Variants in ALPK3 observed in about 807,000 individuals in gnomAD.
ALPK3 encodes alpha-protein kinase 3.
Under a neutral mutation model 140.0 loss-of-function variants are expected in ALPK3, and 102 were observed. The ratio of observed to expected loss-of-function variants is 0.73; its 90% CI spans 0.62 to 0.86. The LOEUF is 0.86. ALPK3 is among the 40% of genes least tolerant of loss of function. The pLI is 0.00. For synonymous variants in ALPK3, 938 were observed against 898.5 expected, an observed-to-expected ratio of 1.04 and a Z score of -0.79; for missense variants, 2,254 against 2,208.2, an observed-to-expected ratio of 1.02 and a Z score of -0.42.
Position 84,840,297 on chromosome 15 carries a change from C to G in ALPK3, c.1018C>G (p.Arg340Gly). 1.9e-6 allele frequency: 3 copies of G among 1,614,022 alleles called. No individual in the cohort carries two copies. Among genetic ancestry groups the G allele is most frequent in the Non-Finnish European group, 2.5e-6 (3 of 1,180,040 alleles). The change falls in exon 5 of 14, where the codon CGT becomes GGT. Residue 340 changes from arginine (R) to glycine (G), a missense_variant. Coordinates refer to ENST00000258888, the MANE Select transcript of ALPK3 (RefSeq NM_020778.5). The stretch of plus-strand genomic sequence containing the variant: ...GTTAGAGAAGGCAGCCCAAAGCCGC[C>G]GTTCTTCAGAAAACTGCATCCCCAG... Reference protein sequence around the residue: ...PELEKAAQSRRSSENCIPSSD... With the variant: ...PELEKAAQSRGSSENCIPSSD...
In ALPK3 at chr15:84,870,042, C is replaced by T. The variant is rs1395873042; in HGVS notation, c.*1586C>T. Reference sequence around the variant, plus strand: ...AAGGAAGCCACCCAGGAAGGAAGCACAGAGCTGGGGGCTCTGGAAACGCCC... The same window carrying T: ...AAGGAAGCCACCCAGGAAGGAAGCATAGAGCTGGGGGCTCTGGAAACGCCC... On this transcript the variant is annotated 3_prime_UTR_variant, in exon 14 of 14. Transcript: ENST00000258888. 1 of 152,330 alleles carries T rather than the reference C, an allele frequency of 6.6e-6. No homozygotes were observed. Among genetic ancestry groups the T allele is most frequent in the East Asian group, 1.9e-4 (1 of 5,178 alleles). The allele number at this position is 152,330 out of a possible 1,614,324, so 9.4% of individuals were successfully genotyped here.
intron 3 of ALPK3, among the ~76,000 whole-genome samples, chr15:84,829,480 G>A (rs1963522632): frequency 6.6e-6 from 1 of 152,222 alleles, no homozygotes; most frequent in African/African-American, 2.4e-5. Context: ...GATTCAGCAT[G>A]GGCTTCTCGT....
At chr15:84,851,261 T>A (rs142081484) in intron 5 of ALPK3, among the ~76,000 whole-genome samples, 1 of 151,990 alleles carries the variant, frequency 6.6e-6, no homozygotes, top group African/African-American at 2.4e-5. Flanking sequence ...GAATGTCTGG[T>A]ACAGAAAAAA....
At chr15:84,867,447 C>T in intron 13 of ALPK3, 82 bp downstream of exon 13, 1 of 1,540,782 alleles carries the variant, frequency 6.5e-7, no homozygotes, top group Non-Finnish European at 9.0e-7. Flanking sequence ...GTTCTCCATC[C>T]CTGAGGTGCT....
chr15:84,827,352 T>C, intron 2 of ALPK3, 132 bp from the exon 3 acceptor site: 1 of 1,334,370 alleles, frequency 7.5e-7, no homozygotes, highest in East Asian at 2.3e-5. Flanking sequence ...GAAGAAAGAC[T>C]TGCCGGGGTG....
Position 84,863,596 on chromosome 15 carries a change from C to A in ALPK3, c.4455C>A (p.Phe1485Leu). 1 of 1,614,070 alleles carries A rather than the reference C, an allele frequency of 6.2e-7. No individual in the cohort carries two copies. The highest frequency in any genetic ancestry group is 8.5e-7 in the Non-Finnish European group (1 of 1,179,982). Residue 1485 changes from phenylalanine to leucine, a missense_variant, in exon 11 of 14, where the codon TTC (phenylalanine) becomes TTA (leucine). Transcript: ENST00000258888. Reference sequence around the variant, plus strand: ...TGAGTCGGGAGTACTGCAAAATCTTCGCAGCAGAAGCCCGGGCCGCGCCTG... The same window carrying A: ...TGAGTCGGGAGTACTGCAAAATCTTAGCAGCAGAAGCCCGGGCCGCGCCTG... Reference protein sequence around the residue: ...QNMSREYCKIFAAEARAAPGF... With the variant: ...QNMSREYCKILAAEARAAPGF...
At chr15:84,853,062 G>A (rs1413446793) in intron 5 of ALPK3, among the ~76,000 whole-genome samples, 1 of 152,218 alleles carries the variant, frequency 6.6e-6, no homozygotes, top group Admixed American at 6.5e-5. Flanking sequence ...CTGAGAGTGC[G>A]TTAGGAGTGA....
Position 84,839,916 on chromosome 15 carries a change from C to T in ALPK3, c.637C>T (p.Leu213=), listed in dbSNP as rs769309969. The T allele has an allele frequency of 1.2e-6, 2 of 1,613,846 alleles. No homozygotes were observed. Among genetic ancestry groups the T allele is most frequent in the African/African-American group, 1.3e-5 (1 of 74,936 alleles). ...GGCGGTGCCTGGGGAGGTCGACACT[C>T]TGCGCAAGCTCAGCCCCGACCGCTT... The part of the protein sequence containing the change: ...EKAVPGEVDT[L]RKLSPDRFQR... Residue 213 remains leucine (L), a synonymous_variant, in exon 5 of 14, where the codon CTG becomes TTG. Transcript: ENST00000258888.
intron 5 of ALPK3, among the ~76,000 whole-genome samples, chr15:84,849,648 A>T (rs1364104837): frequency 6.6e-6 from 1 of 152,216 alleles, no homozygotes; most frequent in African/African-American, 2.4e-5. Flanking sequence ...ATTAAAGAAC[A>T]TACTTTTATG....
At position 84,820,960 on chromosome 15, in the gene ALPK3, T is replaced by C. The variant is rs147212571; in HGVS notation, c.144-2370T>C. On this transcript the variant is annotated intron_variant, in intron 1 of 13. Coordinates refer to ENST00000258888, the MANE Select transcript of ALPK3 (RefSeq NM_020778.5). ...CCTTTATGAGGAGACCTTTCCTTTC[T>C]GGGCCCTGAATTCCAACCCACCTCC... is the stretch of plus-strand genomic sequence containing the variant. Among the ~76,000 whole-genome samples, 46 of 141,530 alleles carry C rather than the reference T, an allele frequency of 3.3e-4. No individual in the cohort carries two copies. The Middle Eastern group carries it at 0.015, about 45-fold the overall frequency. The allele number at this position is 141,530 out of a possible 152,430, so 92.8% of individuals were successfully genotyped here.
intron 5 of ALPK3, among the ~76,000 whole-genome samples, chr15:84,849,082 C>T (rs117657361): frequency 0.094 from 14,214 of 151,688 alleles, 765 homozygotes; most frequent in African/African-American, 0.11. Context: ...GTGGAGGTTG[C>T]GTTGAGTCGA....
Position 84,817,488 on chromosome 15 carries a change from C to T in ALPK3, c.36C>T (p.Gly12=), listed in dbSNP as rs1362712975. The T allele has an allele frequency of 1.1e-5, 14 of 1,258,200 alleles. No homozygotes were observed. The highest frequency in any genetic ancestry group is 1.2e-5 in the Non-Finnish European group (11 of 950,694). The allele number at this position is 1,258,200 out of a possible 1,614,324, so 77.9% of individuals were successfully genotyped here. A position where few individuals can be genotyped will look rare whatever the true frequency, so the allele number is the denominator to read the frequency against. ...GSRRAPSRGW[G]AGGRSGAGGD... The stretch of plus-strand genomic sequence containing the variant: ...GGAGGGCCCCCAGCCGGGGCTGGGG[C>T]GCGGGTGGGCGGTCGGGGGCGGGGG... The change falls in exon 1 of 14, where the codon GGC becomes GGT. Residue 12 remains glycine (G), a synonymous_variant. Transcript: ENST00000258888.
At chr15:84,864,324 C>T (rs567812133) in intron 11 of ALPK3, 118 bp from the exon 12 acceptor site, 1 of 1,072,326 alleles carries the variant, frequency 9.3e-7, no homozygotes, top group Non-Finnish European at 1.4e-6. Context: ...GGGCTCGGAG[C>T]TGAGAATTAC....
intron 3 of ALPK3, among the ~76,000 whole-genome samples, chr15:84,834,741 G>A (rs933106648): frequency 1.3e-5 from 2 of 152,240 alleles, no homozygotes; most frequent in African/African-American, 4.8e-5. Flanking sequence ...AGGGGCTGAG[G>A]GAAGGCCACA....
At chr15:84,835,749 A>T (rs2141553737) in intron 3 of ALPK3, among the ~76,000 whole-genome samples, 1 of 152,282 alleles carries the variant, frequency 6.6e-6, no homozygotes, top group East Asian at 1.9e-4. Context: ...CTCCAAGTTG[A>T]GTTCAGGTGC....
chr15:84,840,668 TG>T lies in ALPK3; in HGVS notation c.1391del (p.Gly464AlafsTer7). The T allele has an allele frequency of 6.3e-7, 1 of 1,589,728 alleles. No homozygotes were observed. On this transcript the variant is annotated frameshift_variant, in exon 5 of 14. Coordinates refer to ENST00000258888, the MANE Select transcript of ALPK3 (RefSeq NM_020778.5). LOFTEE classifies it high-confidence loss of function. ...ARSEGVPGAP[G>X]QPTHSLTPQP... is the part of the protein sequence containing the mutation. The stretch of plus-strand genomic sequence containing the variant: ...GAAGCGAGGGGGTGCCTGGCGCTCC[TG>T]GCCAGCCCACACACTCCTTGACCCC...
intron 3 of ALPK3, among the ~76,000 whole-genome samples, chr15:84,828,473 C>CA (rs1442707664): frequency 6.6e-6 from 1 of 152,112 alleles, no homozygotes; most frequent in Non-Finnish European, 1.5e-5. Flanking sequence ...CCCAGCTGTG[C>CA]AGCTATTAGA....
At chr15:84,823,262 A>C in intron 1 of ALPK3, 68 bp from the exon 2 acceptor site, 1 of 1,568,270 alleles carries the variant, frequency 6.4e-7, no homozygotes, top group Non-Finnish European at 8.8e-7. Flanking sequence ...ATAGTTTGCG[A>C]CTGTTGATTT....
rs1964068166 is a variant in ALPK3, at chr15:84,871,275, A to G, written c.*2819A>G. 6.6e-6 allele frequency: 1 copy of G among 152,206 alleles called. No homozygotes were observed. 9.4% of individuals were successfully genotyped at this position (152,206 alleles called of 1,614,324 possible). A position where few individuals can be genotyped will look rare whatever the true frequency, so the allele number is the denominator to read the frequency against. ...TAGTGGTCCTACCTGTGTGACAGGC[A>G]TTTACTATTGGACTGGCAGTCCCAG... On this transcript the variant is annotated 3_prime_UTR_variant, in exon 14 of 14. Coordinates refer to ENST00000258888, the MANE Select transcript of ALPK3 (RefSeq NM_020778.5).
Sources: allele counts gnomAD v4.1 joint callset (sites outside exome capture counted in the v4.1 genomes callset), GRCh38; gene constraint gnomAD v4.1.1; transcripts MANE v1.5; gene names NCBI Gene and HGNC (gene_info 2026-07-23, HGNC 2026-07-21).